The following NUTF2 variants were observed in gnomAD, a reference collection of about 807,000 sequenced individuals.
The protein encoded by NUTF2 is nuclear transport factor 2.
NUTF2 carries 3 observed loss-of-function variants against 18.5 expected under a neutral mutation model. The observed-to-expected ratio is 0.16, with a 90% CI of 0.07 to 0.42. The LOEUF (loss-of-function observed/expected upper bound fraction) is 0.42, where lower values mean the gene tolerates loss of function less well. Among genes scored for constraint, NUTF2 ranks in the 10% least tolerant of loss-of-function variants. The pLI, the probability that NUTF2 is intolerant of heterozygous loss-of-function variation, is 0.99. For synonymous variants in NUTF2, 51 were observed against 57.9 expected (o/e 0.88, Z 0.54); for missense variants, 44 against 160.7 (o/e 0.27, Z 3.93).
At chr16:67,856,128 T>C in intron 1 of NUTF2, 1 of 447,880 alleles carries the variant, frequency 2.2e-6, no homozygotes, top group Non-Finnish European at 4.2e-6. Flanking sequence ...CACCTGATTT[T>C]GTCACTTAGG....
At chr16:67,849,953 C>T (rs922657222) in intron 1 of NUTF2, among the ~76,000 whole-genome samples, 19 of 151,884 alleles carry the variant, frequency 1.3e-4, no homozygotes, top group Admixed American at 3.3e-4. Context: ...CCACCACGTC[C>T]GGCCTTATTT....
chr16:67,850,298 G>A (rs375479313), intron 1 of NUTF2, among the ~76,000 whole-genome samples: 2 of 150,440 alleles, frequency 1.3e-5, no homozygotes, highest in Non-Finnish European at 3.0e-5. Context: ...TCCGCCTCCC[G>A]GGTTCACGCC....
At chr16:67,861,361 A>G (rs920198748) in intron 1 of NUTF2, among the ~76,000 whole-genome samples, 3 of 152,244 alleles carry the variant, frequency 2.0e-5, no homozygotes, top group African/African-American at 7.2e-5. Flanking sequence ...TCTTGGAAAC[A>G]CTTAAAATTG....
At chr16:67,858,474 A>G (rs534339686) in intron 1 of NUTF2, among the ~76,000 whole-genome samples, 1 of 152,274 alleles carries the variant, frequency 6.6e-6, no homozygotes, top group South Asian at 2.1e-4. Context: ...GCCACTAGAC[A>G]GCAACTTTAG....
chr16:67,852,913 A>G (rs1313510950), intron 1 of NUTF2, among the ~76,000 whole-genome samples: 1 of 150,524 alleles, frequency 6.6e-6, no homozygotes, highest in Non-Finnish European at 1.5e-5. Context: ...TCCCGACCTC[A>G]CTCAGGTGAT....
intron 1 of NUTF2, among the ~76,000 whole-genome samples, chr16:67,859,611 G>A (rs1462685229): frequency 6.6e-6 from 1 of 152,002 alleles, no homozygotes; most frequent in African/African-American, 2.4e-5. Context: ...ACCCGCCTCA[G>A]CCTCCCAAAG....
At chr16:67,870,485 T>G in intron 4 of NUTF2, 1 of 323,586 alleles carries the variant, frequency 3.1e-6, no homozygotes, top group African/African-American at 2.2e-5. Context: ...TGTGATCACT[T>G]GTGTCTGGAG....
At chr16:67,848,756 A>AG (rs1491419974) in intron 1 of NUTF2, among the ~76,000 whole-genome samples, 2 of 150,854 alleles carry the variant, frequency 1.3e-5, no homozygotes, top group African/African-American at 2.4e-5. Flanking sequence ...AAAAAGAAAA[A>AG]GAAAAAAAAA....
rs1598167915 is a variant in NUTF2 at position 67,865,321 on chromosome 16, A to G, written c.99+92A>G. ...CCAGTTCACAAGTTCTGGCAGCCCT[A>G]TCTGGACTGGCTACACCTCTGTATC... On this transcript the variant is annotated intron_variant, in intron 2 of 4. Coordinates refer to ENST00000219169, the MANE Select transcript of NUTF2 (RefSeq NM_005796.3). 6.9e-6 allele frequency: 6 copies of G among 875,124 alleles called. No individual in the cohort carries two copies. In the East Asian group the frequency reaches 1.3e-4, roughly 19 times the overall value. The allele number at this position is 875,124 out of a possible 1,614,324, so 54.2% of individuals were successfully genotyped here. A position where few individuals can be genotyped will look rare whatever the true frequency, so the allele number is the denominator to read the frequency against.
At chr16:67,859,074 G>C (rs997390452) in intron 1 of NUTF2, among the ~76,000 whole-genome samples, 1 of 151,734 alleles carries the variant, frequency 6.6e-6, no homozygotes, top group Non-Finnish European at 1.5e-5. Context: ...GGCTTAAGCA[G>C]TCCTCCTGCC....
intron 1 of NUTF2, among the ~76,000 whole-genome samples, chr16:67,852,782 C>T (rs906100580): frequency 7.2e-5 from 11 of 152,206 alleles, no homozygotes; most frequent in Non-Finnish European, 1.6e-4. Context: ...TGGGTTCTAG[C>T]GATTCTCTTG....
chr16:67,865,303 A>C, intron 2 of NUTF2, 74 bp downstream of exon 2: 2 of 1,084,294 alleles, frequency 1.8e-6, no homozygotes, highest in Non-Finnish European at 2.8e-6. Flanking sequence ...TGTCCAGTTC[A>C]CAAGTTCTGG....
chr16:67,861,900 G>A (rs868615745), intron 1 of NUTF2, among the ~76,000 whole-genome samples: 12 of 152,182 alleles, frequency 7.9e-5, no homozygotes, highest in African/African-American at 2.7e-4. Context: ...TGGGGGCTCT[G>A]CACTCTTGCT....
At chr16:67,865,373 C>G in intron 2 of NUTF2, 144 bp downstream of exon 2, 1 of 594,812 alleles carries the variant, frequency 1.7e-6, no homozygotes, top group South Asian at 2.1e-5. Flanking sequence ...GGACAGGGGT[C>G]TGACGCTTGG....
intron 2 of NUTF2, among the ~76,000 whole-genome samples, chr16:67,867,765 C>T (rs1464063118): frequency 6.6e-6 from 1 of 152,106 alleles, no homozygotes; most frequent in African/African-American, 2.4e-5. Flanking sequence ...CGGCTCGCTA[C>T]AAACCGCCGC....
At chr16:67,854,035 C>G (rs1387801433) in intron 1 of NUTF2, among the ~76,000 whole-genome samples, 2 of 151,998 alleles carry the variant, frequency 1.3e-5, no homozygotes, top group African/African-American at 4.8e-5. Flanking sequence ...ACTACAGCCT[C>G]TGCCTTCCAG....
intron 1 of NUTF2, among the ~76,000 whole-genome samples, chr16:67,850,947 C>T (rs1404121136): frequency 1.3e-5 from 2 of 151,918 alleles, no homozygotes; most frequent in East Asian, 3.9e-4. Flanking sequence ...ATTACAGGTG[C>T]CCACCACCAC....
Position 67,871,028 on chromosome 16 carries a change from G to A in NUTF2, c.*115G>A, listed in dbSNP as rs911786349. ...ACAAATGAGCAGGGCCGCGGTGGGA[G>A]TGGGCGCAGTGCGCTGCTGCCACTG... On this transcript the variant is annotated 3_prime_UTR_variant, in exon 5 of 5. Transcript: ENST00000219169. 2.9e-5 allele frequency: 21 copies of A among 729,860 alleles called. No homozygotes were observed. Among genetic ancestry groups the A allele is most frequent in the Non-Finnish European group, 3.3e-5 (14 of 421,546 alleles). 45.2% of individuals were successfully genotyped at this position (729,860 alleles called of 1,614,324 possible). A position where few individuals can be genotyped will look rare whatever the true frequency, so the allele number is the denominator to read the frequency against.
Position 67,870,945 on chromosome 16 carries a change from C to T in NUTF2, c.*32C>T. ...CTCAGCTAGGCACTCACGCTGTTTC[C>T]TCCTCCCTCCTCTTCCCAATACTAT... On this transcript the variant is annotated 3_prime_UTR_variant, in exon 5 of 5. Coordinates refer to ENST00000219169, the MANE Select transcript of NUTF2 (RefSeq NM_005796.3). The T allele has an allele frequency of 7.0e-7, 1 of 1,427,242 alleles. No individual in the cohort carries two copies. The highest frequency in any genetic ancestry group is 9.9e-7 in the Non-Finnish European group (1 of 1,010,010). The allele number at this position is 1,427,242 out of a possible 1,614,324, so 88.4% of individuals were successfully genotyped here. A position where few individuals can be genotyped will look rare whatever the true frequency, so the allele number is the denominator to read the frequency against.
Sources: gnomAD v4.1 joint callset for allele counts (sites outside exome capture counted in the v4.1 genomes callset) on GRCh38, gnomAD v4.1.1 for gene constraint, MANE v1.5 for transcripts, NCBI Gene and HGNC (gene_info 2026-07-23, HGNC 2026-07-21) for gene names.